The following NFKB1 variants were observed in gnomAD, a reference collection of about 807,000 sequenced individuals.
NFKB1 encodes the protein nuclear factor NF-kappa-B p105 subunit.
A neutral mutation model predicts 105.1 loss-of-function variants in NFKB1; 9 were observed. The ratio of observed to expected loss-of-function variants is 0.09; its 90% CI spans 0.05 to 0.15. NFKB1 has a LOEUF of 0.15. Among genes scored for constraint, NFKB1 ranks in the 10% least tolerant of loss-of-function variants. The probability of loss-of-function intolerance (pLI) is 1.00; values close to 1 mark genes in which losing one functional copy is unlikely to be tolerated. For missense variants in NFKB1, 830 were observed against 1,203.7 expected (o/e 0.69, Z 4.59); for synonymous variants, 440 against 442.2 (o/e 1.00, Z 0.06).
In NFKB1 at chr4:102,528,484, C is replaced by T. The variant is rs4647988; in HGVS notation, c.40-1352C>T. On this transcript the variant is annotated intron_variant, in intron 2 of 23. Transcript: ENST00000226574. ...CTTACTCTTAATTTAACTAGGCATA[C>T]GAAGATCTTCAGTACCCCAGAACTT... Among the ~76,000 whole-genome samples, 320 of 152,050 alleles carry T rather than the reference C, an allele frequency of 2.1e-3. 1 individual carries two copies. Among genetic ancestry groups the T allele is most frequent in the African/African-American group, 7.3e-3 (303 of 41,458 alleles).
intron 6 of NFKB1, 103 bp downstream of exon 6, chr4:102,567,238 C>A (rs1340508029): frequency 8.1e-7 from 1 of 1,231,046 alleles, no homozygotes; most frequent in African/African-American, 1.5e-5. Flanking sequence ...CTTTCTGAGA[C>A]CCTCAGATGA....
intron 19 of NFKB1, among the ~76,000 whole-genome samples, chr4:102,609,611 CAAAAAAAA>C (rs34646774): frequency 1.6e-5 from 1 of 64,262 alleles, no homozygotes; most frequent in Admixed American, 1.9e-4. Context: ...GACTCCATCT[CAAAAAAAA>C]AAAAAAAAAA....
At chr4:102,567,202 A>AT (rs1269126922) in intron 6 of NFKB1, 67 bp downstream of exon 6, 3 of 1,541,210 alleles carry the variant, frequency 1.9e-6, no homozygotes, top group Non-Finnish European at 2.7e-6. Context: ...GGAACTTAGA[A>AT]TGAACAGGCC....
chr4:102,521,024 T>G (rs1235477581), intron 1 of NFKB1, among the ~76,000 whole-genome samples: 2 of 152,184 alleles, frequency 1.3e-5, no homozygotes, highest in Non-Finnish European at 2.9e-5. Flanking sequence ...TGTATACAGA[T>G]TATATTGTAT....
At chr4:102,502,730 G>A (rs1739170479) in intron 1 of NFKB1, among the ~76,000 whole-genome samples, 1 of 152,144 alleles carries the variant, frequency 6.6e-6, no homozygotes, top group Non-Finnish European at 1.5e-5. Context: ...TAATTATCAA[G>A]ATTGACATGT....
intron 6 of NFKB1, among the ~76,000 whole-genome samples, chr4:102,573,213 C>G (rs1231503608): frequency 6.6e-6 from 1 of 152,108 alleles, no homozygotes; most frequent in African/African-American, 2.4e-5. Flanking sequence ...GAGGCCGAGG[C>G]AGGAGAATCA....
chr4:102,548,215 G>C (rs1722286124), intron 5 of NFKB1, among the ~76,000 whole-genome samples: 2 of 152,026 alleles, frequency 1.3e-5, no homozygotes, highest in African/African-American at 4.8e-5. Context: ...TTCCCACAGG[G>C]AGTTTTAATA....
intron 5 of NFKB1, among the ~76,000 whole-genome samples, chr4:102,564,961 T>G (rs1200801363): frequency 6.6e-6 from 1 of 152,200 alleles, no homozygotes; most frequent in Admixed American, 6.5e-5. Flanking sequence ...AAAGACTGAT[T>G]TCAGATGTCA....
intron 5 of NFKB1, among the ~76,000 whole-genome samples, chr4:102,540,170 A>G (rs1473769006): frequency 1.3e-5 from 2 of 152,188 alleles, no homozygotes; most frequent in Non-Finnish European, 2.9e-5. Context: ...GGCACAAAAA[A>G]TATAAATTAT....
chr4:102,563,911 TC>T (rs1560676276), intron 5 of NFKB1, among the ~76,000 whole-genome samples: 1 of 145,774 alleles, frequency 6.9e-6, no homozygotes, highest in Non-Finnish European at 1.5e-5. Flanking sequence ...AACCTCCACC[TC>T]CTGGGTTCAA....
intron 23 of NFKB1, among the ~76,000 whole-genome samples, chr4:102,614,537 G>A (rs1221257120): frequency 1.3e-5 from 2 of 152,120 alleles, no homozygotes; most frequent in East Asian, 3.8e-4. Flanking sequence ...GAATTTTTTA[G>A]AGTTATTCTT....
intron 1 of NFKB1, among the ~76,000 whole-genome samples, chr4:102,519,967 A>T (rs553336559): frequency 2.0e-5 from 3 of 152,218 alleles, no homozygotes; most frequent in African/African-American, 7.2e-5. Context: ...TGATGTGATG[A>T]TGTTCATTAG....
intron 1 of NFKB1, among the ~76,000 whole-genome samples, chr4:102,506,190 T>C (rs755415581): frequency 5.9e-5 from 9 of 152,146 alleles, no homozygotes; most frequent in Admixed American, 6.5e-5. Flanking sequence ...CTTGTAAAAT[T>C]GAAAAATGTA....
At chr4:102,612,641 T>G (rs1332009247) in intron 22 of NFKB1, 35 bp downstream of exon 22, 1 of 1,588,042 alleles carries the variant, frequency 6.3e-7, no homozygotes, top group Non-Finnish European at 8.6e-7. Flanking sequence ...GCAATTTTCA[T>G]TTGACTTTAC....
intron 6 of NFKB1, among the ~76,000 whole-genome samples, chr4:102,571,086 C>T (rs1724306075): frequency 6.6e-6 from 1 of 152,194 alleles, no homozygotes; most frequent in South Asian, 2.1e-4. Context: ...TCAAACTATA[C>T]TACAAGGCTA....
At chr4:102,570,786 G>A (rs545230597) in intron 6 of NFKB1, among the ~76,000 whole-genome samples, 2 of 152,238 alleles carry the variant, frequency 1.3e-5, no homozygotes, top group South Asian at 2.1e-4. Flanking sequence ...GGGATGTGAA[G>A]GACCTCTTCA....
chr4:102,526,729 T>C (rs1336392251), intron 2 of NFKB1, among the ~76,000 whole-genome samples: 1 of 152,202 alleles, frequency 6.6e-6, no homozygotes, highest in Non-Finnish European at 1.5e-5. Flanking sequence ...TCAATGAATG[T>C]GCTTTGTAAG....
At chr4:102,556,521 G>A (rs1451178873) in intron 5 of NFKB1, among the ~76,000 whole-genome samples, 1 of 152,122 alleles carries the variant, frequency 6.6e-6, no homozygotes, top group African/African-American at 2.4e-5. Context: ...GGAGGGAATG[G>A]TAACATATCC....
intron 5 of NFKB1, among the ~76,000 whole-genome samples, chr4:102,539,253 A>AG (rs1741844534): frequency 6.6e-6 from 1 of 150,914 alleles, no homozygotes; most frequent in Non-Finnish European, 1.5e-5. Flanking sequence ...AAAAAAAAAA[A>AG]AAAAGAAAGA....
Sources: allele counts gnomAD v4.1 joint callset (sites outside exome capture counted in the v4.1 genomes callset), GRCh38; gene constraint gnomAD v4.1.1; transcripts MANE v1.5; gene names NCBI Gene and HGNC (gene_info 2026-07-23, HGNC 2026-07-21).